Variants in PRKD1 observed in about 807,000 individuals in gnomAD.
The protein encoded by PRKD1 is protein kinase D1, also known as serine/threonine-protein kinase D1.
In PRKD1, 63 loss-of-function variants were observed where a neutral mutation model predicts 95.9. The ratio of observed to expected loss-of-function variants is 0.66; its 90% CI spans 0.54 to 0.81. The LOEUF (loss-of-function observed/expected upper bound fraction) is 0.81, where lower values mean the gene tolerates loss of function less well. PRKD1 is among the 30% of genes least tolerant of loss of function. PRKD1 has a pLI of 0.00. For synonymous variants in PRKD1, 425 were observed against 423.1 expected, an observed-to-expected ratio of 1.00 and a Z score of -0.05; for missense variants, 1,048 against 1,165.3, an observed-to-expected ratio of 0.90 and a Z score of 1.47.
rs1241407964 is a variant in PRKD1 at position 29,769,344 on chromosome 14, T to C, written c.265-43670A>G. Among the ~76,000 whole-genome samples the C allele has an allele frequency of 2.0e-5, 3 of 151,974 alleles. No homozygotes were observed. The South Asian group carries it at 6.2e-4, about 31-fold the overall frequency. On this transcript the variant is annotated intron_variant, in intron 1 of 17. Coordinates refer to ENST00000331968, the MANE Select transcript of PRKD1 (RefSeq NM_002742.3). The stretch of plus-strand genomic sequence containing the variant: ...GGCACTTTAGGAGGCTGAGGGGGGA[T>C]GACTGTTCAAGGCCAGGAATTTAAG...
At chr14:29,647,650 A>G (rs1881211480) in intron 4 of PRKD1, among the ~76,000 whole-genome samples, 7 of 152,216 alleles carry the variant, frequency 4.6e-5, no homozygotes, top group Admixed American at 4.6e-4. Context: ...ACTGCCTTGG[A>G]GACACCAAGC....
rs1200818957 is a variant in PRKD1, at chr14:29,826,696, T to C, written c.264+100553A>G. 2.3e-3 allele frequency among the ~76,000 whole-genome samples: 93 copies of C among 39,666 alleles called. 6 individuals are homozygous for C. Among genetic ancestry groups the C allele is most frequent in the African/African-American group, 7.2e-3 (91 of 12,578 alleles). 26.0% of individuals were successfully genotyped at this position (39,666 alleles called of 152,430 possible). ...GTGTATATATATATACACACATATATATACATATATACACATATATATATA... is the reference window on the plus strand; with the variant it reads ...GTGTATATATATATACACACATATACATACATATATACACATATATATATA... On this transcript the variant is annotated intron_variant, in intron 1 of 17. Coordinates refer to ENST00000331968, the MANE Select transcript of PRKD1 (RefSeq NM_002742.3).
intron 1 of PRKD1, among the ~76,000 whole-genome samples, chr14:29,792,809 C>T (rs757814392): frequency 6.6e-5 from 10 of 151,878 alleles, no homozygotes; most frequent in African/African-American, 2.2e-4. Flanking sequence ...GGAAACTAGA[C>T]GGAAAAAATA....
chr14:29,829,010 C>T (rs1891302413), intron 1 of PRKD1, among the ~76,000 whole-genome samples: 2 of 152,176 alleles, frequency 1.3e-5, no homozygotes, highest in African/African-American at 4.8e-5. Context: ...GGGCCTCTCA[C>T]AGAAACCAGA....
chr14:29,855,234 C>T (rs1892452475), intron 1 of PRKD1, among the ~76,000 whole-genome samples: 1 of 152,102 alleles, frequency 6.6e-6, no homozygotes, highest in Non-Finnish European at 1.5e-5. Flanking sequence ...CAATGTCGGC[C>T]CATGAAAACA....
rs1883974631 is a variant in PRKD1 at position 29,687,844 on chromosome 14, C to CA, written c.404-21637dup. On this transcript the variant is annotated intron_variant, in intron 2 of 17. Transcript: ENST00000331968. The stretch of plus-strand genomic sequence containing the variant: ...GTAGATGAACACATAAACACGCCCT[C>CA]ATAAGCATGTCCATTTGTCTGTCCA... 2.0e-5 allele frequency among the ~76,000 whole-genome samples: 3 copies of CA among 152,320 alleles called. No homozygotes were observed. The South Asian group carries it at 6.2e-4, about 32-fold the overall frequency.
At position 29,638,543 on chromosome 14, in the gene PRKD1, G is replaced by T. The variant is rs760459161; in HGVS notation, c.931C>A (p.Arg311Ser). 6.2e-7 allele frequency: 1 copy of T among 1,614,146 alleles called. No individual in the cohort carries two copies. The change falls in exon 6 of 18, where the codon CGT (arginine) becomes AGT (serine). Residue 311 changes from arginine to serine, a missense_variant. This residue lies in a region of PRKD1 where 739 missense variants were observed against 861.9 expected (regional missense o/e 0.86). Transcript: ENST00000331968. ...CKDCRFNCHK[R>S]CAPKVPNNCL... ...TTGTTTGGTACTTTCGGTGCACAAC[G>T]TTTATGGCAGTTGAATCTGCAATCT...
intron 1 of PRKD1, 91 bp downstream of exon 1, chr14:29,927,158 G>A: frequency 1.6e-6 from 2 of 1,281,674 alleles, no homozygotes. Context: ...CCGAGCCCCG[G>A]GAGCCGGAAA....
At chr14:29,847,639 G>C (rs1477556027) in intron 1 of PRKD1, among the ~76,000 whole-genome samples, 2 of 152,154 alleles carry the variant, frequency 1.3e-5, no homozygotes. Context: ...AAAGGATTCA[G>C]TTATGCTCAA....
chr14:29,881,056 G>A (rs990235375), intron 1 of PRKD1, among the ~76,000 whole-genome samples: 1 of 152,192 alleles, frequency 6.6e-6, no homozygotes, highest in Non-Finnish European at 1.5e-5. Context: ...GACTTTAGGA[G>A]ACTGTTGTGA....
At chr14:29,606,531 A>G (rs1011376863) in intron 13 of PRKD1, among the ~76,000 whole-genome samples, 3 of 152,186 alleles carry the variant, frequency 2.0e-5, no homozygotes, top group African/African-American at 4.8e-5. Context: ...CCTATGCTCT[A>G]GGAGACTTGT....
chr14:29,785,383 T>C (rs1357279577), intron 1 of PRKD1, among the ~76,000 whole-genome samples: 1 of 152,238 alleles, frequency 6.6e-6, no homozygotes, highest in African/African-American at 2.4e-5. Flanking sequence ...GTTACTGGTA[T>C]GTAAATATGC....
At chr14:29,828,915 A>G (rs1392115173) in intron 1 of PRKD1, among the ~76,000 whole-genome samples, 2 of 152,162 alleles carry the variant, frequency 1.3e-5, no homozygotes, top group African/African-American at 4.8e-5. Context: ...GTGGTATGTA[A>G]AATTTCCTAG....
intron 1 of PRKD1, among the ~76,000 whole-genome samples, chr14:29,847,262 A>G (rs1892114739): frequency 6.6e-6 from 1 of 152,250 alleles, no homozygotes; most frequent in Admixed American, 6.5e-5. Context: ...GTGGTAATGT[A>G]TAAATGGAAA....
chr14:29,597,518 T>C lies in PRKD1; in HGVS notation c.2407A>G (p.Asn803Asp), dbSNP rs1192561847. 1 of 1,609,090 alleles carries C rather than the reference T, an allele frequency of 6.2e-7. No individual in the cohort carries two copies. The highest frequency in any genetic ancestry group is 8.5e-7 in the Non-Finnish European group (1 of 1,175,896). ...TCATGAGATATTTCCTTCCAGGGAT[T>C]TGGTGGATACATGAAAGCTGCATTC... The part of the protein sequence containing the change: ...IQNAAFMYPP[N>D]PWKEISHEAI... The change falls in exon 16 of 18, where the codon AAT (asparagine) becomes GAT (aspartate). Residue 803 changes from asparagine (N) to aspartate (D), a missense_variant. By Grantham distance (23) the Asn-to-Asp change is conservative (BLOSUM62 1). Around this residue, in one of 3 missense-constraint regions of PRKD1, gnomAD observed 739 missense variants for 861.9 expected, o/e 0.86. Coordinates refer to ENST00000331968, the MANE Select transcript of PRKD1 (RefSeq NM_002742.3).
chr14:29,725,252 A>G (rs1566562969), intron 2 of PRKD1, among the ~76,000 whole-genome samples: 1 of 152,138 alleles, frequency 6.6e-6, no homozygotes, highest in East Asian at 1.9e-4. Flanking sequence ...TGTCCAAATG[A>G]TTCAAGGTGC....
chr14:29,813,689 A>G (rs1890581343), intron 1 of PRKD1, among the ~76,000 whole-genome samples: 8 of 152,218 alleles, frequency 5.3e-5, no homozygotes, highest in Admixed American at 5.2e-4. Context: ...GAAACACTCA[A>G]TAGATATTAG....
rs778734461 is a variant in PRKD1 at position 29,638,439 on chromosome 14, ACT to A, written c.985+48_985+49del. 8.8e-6 allele frequency: 14 copies of A among 1,593,090 alleles called. No individual in the cohort carries two copies. The African/African-American group carries it at 1.9e-4, about 21-fold the overall frequency. On this transcript the variant is annotated intron_variant, in intron 6 of 17. Coordinates refer to ENST00000331968, the MANE Select transcript of PRKD1 (RefSeq NM_002742.3). The stretch of plus-strand genomic sequence containing the variant: ...ACCCTGACTAAAATTACATCACCAC[ACT>A]CTCTAATATGGAAGAAGCACAGACA...
rs756020162 is a variant in PRKD1, at chr14:29,927,411, C to A, written c.102G>T (p.Gly34=). The A allele has an allele frequency of 1.0e-5, 15 of 1,504,050 alleles. No individual in the cohort carries two copies. The highest frequency in any genetic ancestry group is 2.5e-5 in the South Asian group (2 of 80,618). 93.2% of individuals were successfully genotyped at this position (1,504,050 alleles called of 1,614,324 possible). ...AAALVPGSGP[G]PAPFLAPVAA... Reference sequence around the variant, plus strand: ...CGACAGGAGCCAAGAACGGCGCGGGCCCGGGCCCGGACCCTGGGACCAGTG... The same window carrying A: ...CGACAGGAGCCAAGAACGGCGCGGGACCGGGCCCGGACCCTGGGACCAGTG... The change falls in exon 1 of 18, where the codon GGG becomes GGT. Residue 34 remains glycine (G), a synonymous_variant. Coordinates refer to ENST00000331968, the MANE Select transcript of PRKD1 (RefSeq NM_002742.3).
Sources: gnomAD v4.1 joint callset for allele counts (sites outside exome capture counted in the v4.1 genomes callset) on GRCh38, gnomAD v4.1.1 for gene constraint, gnomAD v4.1.1 regional missense constraint, MANE v1.5 for transcripts, NCBI Gene and HGNC (gene_info 2026-07-23, HGNC 2026-07-21) for gene names.